Variants in KIF26B observed in about 807,000 individuals in gnomAD.
The protein encoded by KIF26B is kinesin-like protein KIF26B.
Under a neutral mutation model 151.2 loss-of-function variants are expected in KIF26B, and 63 were observed. That is an observed-to-expected ratio of 0.42 (90% CI 0.34 to 0.51). The LOEUF is 0.51. Ranked by LOEUF, KIF26B falls within the 20% of genes least tolerant of loss-of-function variation. The pLI is 0.07. For missense variants in KIF26B, 2,813 were observed against 2,913.6 expected, an observed-to-expected ratio of 0.97 and a Z score of 0.79; for synonymous variants, 1,357 against 1,262.1, an observed-to-expected ratio of 1.08 and a Z score of -1.59.
In KIF26B at chr1:245,600,244, T is replaced by C. The variant is rs1342323885; in HGVS notation, c.1351-2333T>C. Among the ~76,000 whole-genome samples the C allele has an allele frequency of 2.1e-4, 27 of 127,140 alleles. 2 individuals carry two copies. The highest frequency in any genetic ancestry group is 6.0e-4 in the African/African-American group (21 of 34,814). 83.4% of individuals were successfully genotyped at this position (127,140 alleles called of 152,430 possible). ...TAGTAGAGACGGGGTTTCACCGTGT[T>C]AGCCAGGATGGTCTCTATCTCCTGA... On this transcript the variant is annotated intron_variant, in intron 5 of 14. Coordinates refer to ENST00000407071, the MANE Select transcript of KIF26B (RefSeq NM_018012.4).
chr1:245,419,470 A>G (rs1658416144), intron 3 of KIF26B, 109 bp from the exon 4 acceptor site: 1 of 981,570 alleles, frequency 1.0e-6, no homozygotes, highest in East Asian at 2.8e-5. Flanking sequence ...CAGGTGGGAT[A>G]GAAACCTGTT....
At chr1:245,232,818 G>A (rs1670025897) in intron 2 of KIF26B, among the ~76,000 whole-genome samples, 2 of 152,210 alleles carry the variant, frequency 1.3e-5, no homozygotes, top group Admixed American at 6.5e-5. Flanking sequence ...CCAAACTGCT[G>A]GGATTAGAGG....
intron 4 of KIF26B, among the ~76,000 whole-genome samples, chr1:245,469,980 A>C (rs1252851632): frequency 6.6e-6 from 1 of 151,862 alleles, no homozygotes; most frequent in African/African-American, 2.4e-5. Flanking sequence ...CGGAGGTCAC[A>C]GTAGATCAGA....
intron 3 of KIF26B, among the ~76,000 whole-genome samples, chr1:245,391,070 T>C (rs1006997647): frequency 4.6e-5 from 7 of 152,108 alleles, no homozygotes; most frequent in Non-Finnish European, 1.0e-4. Context: ...TTTGTGGTGA[T>C]ATTAACAAAT....
At chr1:245,588,158 T>C (rs1316091302) in intron 5 of KIF26B, among the ~76,000 whole-genome samples, 1 of 152,194 alleles carries the variant, frequency 6.6e-6, no homozygotes, top group African/African-American at 2.4e-5. Context: ...GGTGAGGCTT[T>C]TTGTTTAATG....
intron 2 of KIF26B, among the ~76,000 whole-genome samples, chr1:245,286,439 G>A (rs1671165268): frequency 6.6e-6 from 1 of 151,978 alleles, no homozygotes; most frequent in South Asian, 2.1e-4. Context: ...CTACCCAGTT[G>A]GGCGAGGCAC....
At position 245,481,388 on chromosome 1, in the gene KIF26B, G is replaced by A. The variant is rs138362874; in HGVS notation, c.1167-59379G>A. Among the ~76,000 whole-genome samples the A allele has an allele frequency of 3.0e-4, 46 of 151,982 alleles. 1 individual carries two copies. The East Asian group carries it at 3.7e-3, about 12-fold the overall frequency. The stretch of plus-strand genomic sequence containing the variant: ...AATGGAACTCCTGAACCATTCCCGT[G>A]CTCAAATGTAACGTAAAAAGGACAA... On this transcript the variant is annotated intron_variant, in intron 4 of 14. Transcript: ENST00000407071.
At chr1:245,195,602 T>TA (rs1399124250) in intron 2 of KIF26B, among the ~76,000 whole-genome samples, 2 of 152,170 alleles carry the variant, frequency 1.3e-5, no homozygotes, top group African/African-American at 4.8e-5. Flanking sequence ...AAGCAACAGC[T>TA]GGCTCTTCTT....
intron 5 of KIF26B, among the ~76,000 whole-genome samples, chr1:245,599,528 G>A (rs1339792854): frequency 3.3e-5 from 5 of 152,090 alleles, no homozygotes; most frequent in African/African-American, 9.7e-5. Context: ...GTCAGCCCTC[G>A]CCTGGCTGAG....
At chr1:245,417,113 G>A (rs1270483328) in intron 3 of KIF26B, among the ~76,000 whole-genome samples, 4 of 152,156 alleles carry the variant, frequency 2.6e-5, no homozygotes, top group Non-Finnish European at 5.9e-5. Flanking sequence ...CTGAAAAATG[G>A]AGCAGGAAAG....
At chr1:245,626,716 C>T (rs2043728390) in intron 9 of KIF26B, among the ~76,000 whole-genome samples, 1 of 152,084 alleles carries the variant, frequency 6.6e-6, no homozygotes, top group Non-Finnish European at 1.5e-5. Context: ...CTTAGCTGTG[C>T]AGAACGTTTT....
At chr1:245,552,122 G>GGTGTGTGT (rs55650522) in intron 5 of KIF26B, among the ~76,000 whole-genome samples, 183 of 131,698 alleles carry the variant, frequency 1.4e-3, no homozygotes, top group East Asian at 2.5e-3. Context: ...GAACCAGCAG[G>GGTGTGTGT]GTGTGTGTGT....
At position 245,686,229 on chromosome 1, in the gene KIF26B, C is replaced by A; in HGVS notation, c.3246C>A (p.Pro1082=). ...CCAAGACCTCGGAGTACAAGCCACC[C>A]AGCTCTCCTTCCCAGAGATGCAAAG... ...SLSKTSEYKP[P]SSPSQRCKVY... is the part of the protein sequence containing the mutation. Residue 1082 remains proline (P), a synonymous_variant, in exon 12 of 15, where the codon CCC becomes CCA. Coordinates refer to ENST00000407071, the MANE Select transcript of KIF26B (RefSeq NM_018012.4). The surrounding 1 kb of genome is among the most constrained non-coding windows in gnomAD (Gnocchi z 5.6). 6.2e-7 allele frequency: 1 copy of A among 1,612,750 alleles called. No homozygotes were observed. The highest frequency in any genetic ancestry group is 8.5e-7 in the Non-Finnish European group (1 of 1,179,898).
intron 2 of KIF26B, among the ~76,000 whole-genome samples, chr1:245,225,700 C>CT (rs1669860374): frequency 6.6e-6 from 1 of 152,210 alleles, no homozygotes. Flanking sequence ...AGGCATTCCC[C>CT]TTTCCTCGGT....
intron 9 of KIF26B, among the ~76,000 whole-genome samples, chr1:245,643,565 A>G (rs529056463): frequency 6.6e-6 from 1 of 152,312 alleles, no homozygotes; most frequent in East Asian, 1.9e-4. Context: ...TTCACACGTT[A>G]CATTATGATT....
intron 4 of KIF26B, among the ~76,000 whole-genome samples, chr1:245,437,331 G>A (rs1173093642): frequency 6.6e-6 from 1 of 152,174 alleles, no homozygotes; most frequent in Admixed American, 6.5e-5. Context: ...CGTGTTGAAT[G>A]TAATCCCCGT....
At chr1:245,180,781 T>G (rs1668892642) in intron 2 of KIF26B, among the ~76,000 whole-genome samples, 1 of 152,156 alleles carries the variant, frequency 6.6e-6, no homozygotes, top group Non-Finnish European at 1.5e-5. Flanking sequence ...ATACACTTGT[T>G]CGTGACCACA....
chr1:245,273,319 G>A (rs1198703875), intron 2 of KIF26B, among the ~76,000 whole-genome samples: 1 of 151,814 alleles, frequency 6.6e-6, no homozygotes, highest in Non-Finnish European at 1.5e-5. Flanking sequence ...TTGGGAGGCT[G>A]AGGCCAGAGA....
chr1:245,501,199 C>T (rs1045821562), intron 4 of KIF26B, among the ~76,000 whole-genome samples: 1 of 152,216 alleles, frequency 6.6e-6, no homozygotes, highest in Non-Finnish European at 1.5e-5. Flanking sequence ...AACCAGGCCA[C>T]CTGGGTCCAG....
Sources: allele counts gnomAD v4.1 joint callset (sites outside exome capture counted in the v4.1 genomes callset), GRCh38; gene constraint gnomAD v4.1.1; non-coding constraint Gnocchi (gnomAD v3.1); transcripts MANE v1.5; gene names NCBI Gene and HGNC (gene_info 2026-07-23, HGNC 2026-07-21).